SLC44A5: variants seen among roughly 807,000 people sequenced by gnomAD.
SLC44A5 encodes the protein solute carrier family 44 member 5.
A neutral mutation model predicts 101.8 loss-of-function variants in SLC44A5; 57 were observed. That is an observed-to-expected ratio of 0.56 (90% CI 0.45 to 0.70). The LOEUF is 0.70. Among genes scored for constraint, SLC44A5 ranks in the 30% least tolerant of loss-of-function variants. The probability of loss-of-function intolerance (pLI) is 0.00; values close to 1 mark genes in which losing one functional copy is unlikely to be tolerated. For missense variants in SLC44A5, 737 were observed against 853.1 expected (o/e 0.86, Z 1.70); for synonymous variants, 281 against 290.9 (o/e 0.97, Z 0.35).
chr1:75,659,426 TGGGAGGGAGGGA>T, the SLC44A5 span, among the ~76,000 whole-genome samples: 1 of 43,802 alleles, frequency 2.3e-5, no homozygotes, highest in Non-Finnish European at 4.7e-5. Context: ...AGAGGGAGGG[TGGGAGGGAGGGA>T]GGGAGGGAAG....
At chr1:75,595,460 A>AG (rs909091703) in intron 1 of SLC44A5, among the ~76,000 whole-genome samples, 16 of 151,790 alleles carry the variant, frequency 1.1e-4, no homozygotes, top group Admixed American at 9.8e-4. Flanking sequence ...ATTAAAAAAA[A>AG]ACTTTTGATG....
At chr1:75,291,941 A>G (rs1279234276) in intron 5 of SLC44A5, among the ~76,000 whole-genome samples, 11 of 150,002 alleles carry the variant, frequency 7.3e-5, no homozygotes, top group African/African-American at 2.7e-4. Context: ...GAACCCGGGA[A>G]GTGGAGCTTG....
the SLC44A5 span, among the ~76,000 whole-genome samples, chr1:75,721,757 C>A: frequency 6.6e-6 from 1 of 152,076 alleles, no homozygotes; most frequent in African/African-American, 2.4e-5. Flanking sequence ...TGCTTGGTAT[C>A]TTAAATTTGT....
chr1:75,588,173 C>T (rs1674127337), intron 1 of SLC44A5, among the ~76,000 whole-genome samples: 1 of 135,558 alleles, frequency 7.4e-6, no homozygotes, highest in South Asian at 2.4e-4. Flanking sequence ...CTCTCGTATC[C>T]AAAAAAGTGG....
chr1:75,645,167 G>C, the SLC44A5 span, among the ~76,000 whole-genome samples: 2 of 152,122 alleles, frequency 1.3e-5, no homozygotes, highest in African/African-American at 4.8e-5. Context: ...GGGTCAAATG[G>C]TATTTCTAGT....
At chr1:75,520,154 T>C (rs1165206476) in intron 2 of SLC44A5, among the ~76,000 whole-genome samples, 1 of 152,232 alleles carries the variant, frequency 6.6e-6, no homozygotes, top group Non-Finnish European at 1.5e-5. Context: ...CTAGGTTAAA[T>C]GATTATATTT....
chr1:75,376,850 C>A (rs1341744541), intron 3 of SLC44A5, among the ~76,000 whole-genome samples: 7 of 152,052 alleles, frequency 4.6e-5, no homozygotes, highest in African/African-American at 9.7e-5. Context: ...AAGCTGAGAG[C>A]AGAAGGCTTC....
intron 9 of SLC44A5, among the ~76,000 whole-genome samples, chr1:75,239,238 G>C (rs867467341): frequency 6.6e-6 from 1 of 152,054 alleles, no homozygotes; most frequent in Non-Finnish European, 1.5e-5. Context: ...CCTACACTTT[G>C]TAGACTGGTA....
the SLC44A5 span, among the ~76,000 whole-genome samples, chr1:75,701,655 A>T: frequency 6.6e-6 from 1 of 152,196 alleles, no homozygotes; most frequent in Non-Finnish European, 1.5e-5. Context: ...AGTTCTGGCC[A>T]GGGCAATCAG....
At chr1:75,252,404 G>A (rs904565339) in intron 6 of SLC44A5, among the ~76,000 whole-genome samples, 4 of 152,202 alleles carry the variant, frequency 2.6e-5, no homozygotes, top group African/African-American at 9.7e-5. Flanking sequence ...AGAAATTGGG[G>A]ATAGATCCTT....
the SLC44A5 span, among the ~76,000 whole-genome samples, chr1:75,686,881 A>C: frequency 6.6e-6 from 1 of 152,190 alleles, no homozygotes. Context: ...AATAGAGTAA[A>C]TTGGACTTGC....
chr1:75,358,281 T>C (rs1035124084), intron 3 of SLC44A5, among the ~76,000 whole-genome samples: 2 of 152,164 alleles, frequency 1.3e-5, no homozygotes, highest in African/African-American at 2.4e-5. Flanking sequence ...GGAAAACTGT[T>C]ATGAATTAAA....
At position 75,238,626 on chromosome 1, in the gene SLC44A5, T is replaced by C. The variant is rs760578620; in HGVS notation, c.543A>G (p.Arg181=). The change falls in exon 10 of 24, where the codon AGA becomes AGG. Residue 181 remains arginine, a synonymous_variant. Transcript: ENST00000370859. The part of the protein sequence containing the change: ...AIFPSKPFLQ[R]CFPDFSTKNG... Reference sequence around the variant, plus strand: ...TTTTGGTAGAGAAGTCAGGGAAACATCTCTGGAGAACTGTAAAAATAAATT... The same window carrying C: ...TTTTGGTAGAGAAGTCAGGGAAACACCTCTGGAGAACTGTAAAAATAAATT... 1.2e-5 allele frequency: 19 copies of C among 1,569,564 alleles called. No individual in the cohort carries two copies. Among genetic ancestry groups the C allele is most frequent in the Non-Finnish European group, 1.6e-5 (19 of 1,152,200 alleles).
chr1:75,699,970 T>C, the SLC44A5 span, among the ~76,000 whole-genome samples: 4 of 152,026 alleles, frequency 2.6e-5, no homozygotes, highest in East Asian at 1.9e-4. Context: ...CCTAAATATA[T>C]ATGCACCCAA....
intron 2 of SLC44A5, among the ~76,000 whole-genome samples, chr1:75,424,144 T>C (rs1664169436): frequency 6.6e-6 from 1 of 152,234 alleles, no homozygotes; most frequent in African/African-American, 2.4e-5. Context: ...CTTTTGTTTC[T>C]AAAGAGGACT....
At chr1:75,358,361 C>A (rs1659234230) in intron 3 of SLC44A5, among the ~76,000 whole-genome samples, 1 of 152,096 alleles carries the variant, frequency 6.6e-6, no homozygotes, top group Non-Finnish European at 1.5e-5. Context: ...TAGTGCTATA[C>A]TTTATATATT....
chr1:75,245,977 C>T (rs149843992), intron 7 of SLC44A5, among the ~76,000 whole-genome samples: 13 of 152,210 alleles, frequency 8.5e-5, no homozygotes, highest in African/African-American at 3.1e-4. Flanking sequence ...TTAACAAAAA[C>T]ATCGTGCATA....
At chr1:75,343,408 A>T (rs1407318894) in intron 3 of SLC44A5, among the ~76,000 whole-genome samples, 1 of 152,204 alleles carries the variant, frequency 6.6e-6, no homozygotes, top group East Asian at 1.9e-4. Flanking sequence ...CAGATTTCAC[A>T]TGGCTCCATT....
chr1:75,218,363 C>T (rs1226594554), intron 17 of SLC44A5, 127 bp downstream of exon 17: 1 of 1,272,482 alleles, frequency 7.9e-7, no homozygotes, highest in Non-Finnish European at 1.1e-6. Context: ...AATGGGCATC[C>T]ATGAATTTTG....
Sources: gnomAD v4.1 joint callset for allele counts (sites outside exome capture counted in the v4.1 genomes callset) on GRCh38, gnomAD v4.1.1 for gene constraint, MANE v1.5 for transcripts, NCBI Gene and HGNC (gene_info 2026-07-23, HGNC 2026-07-21) for gene names.